PALM2AKAP2: variants seen among roughly 807,000 people sequenced by gnomAD.
PALM2AKAP2 encodes the protein PALM2 and AKAP2 fusion.
PALM2AKAP2 carries 37 observed loss-of-function variants against 71.5 expected under a neutral mutation model. The observed-to-expected ratio is 0.52, with a 90% CI of 0.40 to 0.68. The LOEUF (loss-of-function observed/expected upper bound fraction) is 0.68. Ranked by LOEUF, PALM2AKAP2 falls within the 30% of genes least tolerant of loss-of-function variation. PALM2AKAP2 has a pLI of 0.00. For missense variants in PALM2AKAP2, 1,224 were observed against 1,191.8 expected, an observed-to-expected ratio of 1.03 and a Z score of -0.40; for synonymous variants, 468 against 478.8, an observed-to-expected ratio of 0.98 and a Z score of 0.29.
intron 2 of PALM2AKAP2, among the ~76,000 whole-genome samples, chr9:110,149,509 A>G (rs1382616611): frequency 6.6e-6 from 1 of 152,260 alleles, no homozygotes; most frequent in Non-Finnish European, 1.5e-5. Context: ...AAAAGAATCA[A>G]AAGTGATTCA....
chr9:109,949,305 A>G (rs552017867), intron 6 of PALM2AKAP2, among the ~76,000 whole-genome samples: 16 of 152,316 alleles, frequency 1.1e-4, no homozygotes, highest in African/African-American at 3.4e-4. Context: ...ATCTGGGAGC[A>G]TATTTTTAAG....
intron 1 of PALM2AKAP2, among the ~76,000 whole-genome samples, chr9:110,063,784 C>T (rs1834016719): frequency 6.6e-6 from 1 of 152,198 alleles, no homozygotes; most frequent in Admixed American, 6.5e-5. Flanking sequence ...ATATTAGACT[C>T]ATCCACTCTA....
intron 2 of PALM2AKAP2, among the ~76,000 whole-genome samples, chr9:110,146,992 T>C (rs1304009018): frequency 6.6e-6 from 1 of 152,150 alleles, no homozygotes. Context: ...GGCTCATGCC[T>C]GTAATCCCAG....
intron 1 of PALM2AKAP2, among the ~76,000 whole-genome samples, chr9:109,721,503 T>G (rs555401335): frequency 6.6e-6 from 1 of 152,360 alleles, no homozygotes; most frequent in South Asian, 2.1e-4. Flanking sequence ...TCCCCCAGAT[T>G]AATATTTTTC....
chr9:110,144,950 T>TTAAA (rs1178011864), intron 2 of PALM2AKAP2, among the ~76,000 whole-genome samples: 1 of 152,176 alleles, frequency 6.6e-6, no homozygotes, highest in African/African-American at 2.4e-5. Flanking sequence ...AGGCTCTCAT[T>TTAAA]TGTCTCCAAA....
chr9:109,917,484 CTTTTTTTTTT>C (rs59106508), intron 3 of PALM2AKAP2, among the ~76,000 whole-genome samples: 1 of 111,440 alleles, frequency 9.0e-6, no homozygotes, highest in Non-Finnish European at 1.8e-5. Context: ...CGCTCCTTTC[CTTTTTTTTTT>C]TTTTTTTTTT....
chr9:109,797,815 G>C (rs1013640744), intron 1 of PALM2AKAP2, among the ~76,000 whole-genome samples: 1 of 152,204 alleles, frequency 6.6e-6, no homozygotes, highest in Admixed American at 6.5e-5. Context: ...TTCAGAGTTG[G>C]GTTAGTATCT....
chr9:110,011,022 T>TATATATATAG lies in PALM2AKAP2; in HGVS notation c.497-4923_497-4922insGATATATATA, dbSNP rs1554737843. The stretch of plus-strand genomic sequence containing the variant: ...AAAAAAAAAAAAAAAAAAATATATA[T>TATATATATAG]ATATATATATATATACTTTTGTATA... On this transcript the variant is annotated intron_variant, in intron 6 of 9. Transcript: ENST00000302798. Among the ~76,000 whole-genome samples the TATATATATAG allele has an allele frequency of 2.1e-3, 273 of 132,102 alleles. 3 individuals are homozygous for TATATATATAG. The highest frequency in any genetic ancestry group is 7.8e-3 in the African/African-American group (264 of 33,978). The allele number at this position is 132,102 out of a possible 152,430, so 86.7% of individuals were successfully genotyped here. A position where few individuals can be genotyped will look rare whatever the true frequency, so the allele number is the denominator to read the frequency against.
intron 5 of PALM2AKAP2, among the ~76,000 whole-genome samples, chr9:109,928,049 A>G (rs939999151): frequency 6.6e-6 from 1 of 152,128 alleles, no homozygotes; most frequent in Admixed American, 6.5e-5. Flanking sequence ...AAACCTTCAT[A>G]CCAGTTATTC....
intron 1 of PALM2AKAP2, among the ~76,000 whole-genome samples, chr9:109,841,314 A>G (rs1176389558): frequency 1.3e-5 from 2 of 148,344 alleles, no homozygotes; most frequent in Non-Finnish European, 3.0e-5. Context: ...GGAATTGAAC[A>G]ATGAGAACAC....
intron 1 of PALM2AKAP2, among the ~76,000 whole-genome samples, chr9:109,852,605 C>T (rs1829051749): frequency 6.6e-6 from 1 of 152,136 alleles, no homozygotes; most frequent in South Asian, 2.1e-4. Flanking sequence ...TGAGAAATCT[C>T]CAAACTACTT....
intron 7 of PALM2AKAP2, among the ~76,000 whole-genome samples, chr9:110,021,266 A>G (rs1186750766): frequency 6.6e-6 from 1 of 152,182 alleles, no homozygotes; most frequent in Non-Finnish European, 1.5e-5. Context: ...ATGCAGCCCA[A>G]GTCAAGAAAC....
At chr9:109,769,994 A>G (rs1028657948) in intron 1 of PALM2AKAP2, among the ~76,000 whole-genome samples, 1 of 152,156 alleles carries the variant, frequency 6.6e-6, no homozygotes, top group Admixed American at 6.6e-5. Context: ...TGGGAGAAAG[A>G]CAGTGGCAGT....
At chr9:109,971,337 C>CTTTTTT (rs1832065249) in intron 6 of PALM2AKAP2, among the ~76,000 whole-genome samples, 1 of 76,896 alleles carries the variant, frequency 1.3e-5, no homozygotes. Context: ...GGTCTGTTTG[C>CTTTTTT]TCTTTGTGTT....
intron 6 of PALM2AKAP2, among the ~76,000 whole-genome samples, chr9:109,988,844 CTGGTGGGAGATAATTGAACCATGGGGG>C: frequency 6.6e-6 from 1 of 152,306 alleles, no homozygotes; most frequent in Non-Finnish European, 1.5e-5. Context: ...CGGGAGGGAC[CTGGTGGGAGATAATTGAACCATGGGGG>C]TGGTTTCCCC....
chr9:109,730,721 T>G (rs1828545307), intron 1 of PALM2AKAP2, among the ~76,000 whole-genome samples: 1 of 152,174 alleles, frequency 6.6e-6, no homozygotes, highest in African/African-American at 2.4e-5. Flanking sequence ...AGAAGAGTCC[T>G]TAAGGAATGA....
At chr9:109,682,153 G>A (rs1053921355) in intron 1 of PALM2AKAP2, among the ~76,000 whole-genome samples, 1 of 152,174 alleles carries the variant, frequency 6.6e-6, no homozygotes, top group African/African-American at 2.4e-5. Context: ...TCCATGCCAT[G>A]CCTCTGTTTA....
chr9:109,844,311 C>G (rs187764576), intron 1 of PALM2AKAP2, among the ~76,000 whole-genome samples: 11 of 152,224 alleles, frequency 7.2e-5, no homozygotes, highest in Admixed American at 3.9e-4. Flanking sequence ...TCTCATTGGT[C>G]TGACAGCTAT....
intron 6 of PALM2AKAP2, among the ~76,000 whole-genome samples, chr9:109,933,859 T>C (rs1240615588): frequency 1.3e-5 from 2 of 152,352 alleles, no homozygotes; most frequent in Middle Eastern, 3.4e-3. Context: ...GTTTAGGGAA[T>C]GGGATGTTCA....
Sources: allele counts gnomAD v4.1 joint callset (sites outside exome capture counted in the v4.1 genomes callset), GRCh38; gene constraint gnomAD v4.1.1; transcripts MANE v1.5; gene names NCBI Gene and HGNC (gene_info 2026-07-23, HGNC 2026-07-21).